The following WBP1L variants were observed in gnomAD, a reference collection of about 807,000 sequenced individuals.
WBP1L encodes WW domain binding protein 1-like.
In WBP1L, 17 loss-of-function variants were observed where a neutral mutation model predicts 33.7. That is an observed-to-expected ratio of 0.50 (90% CI 0.34 to 0.76). The LOEUF (loss-of-function observed/expected upper bound fraction) is 0.76. Ranked by LOEUF, WBP1L falls within the 30% of genes least tolerant of loss-of-function variation. The pLI is 0.01. For synonymous variants in WBP1L, 173 were observed against 190.8 expected (o/e 0.91, Z 0.77); for missense variants, 389 against 469.4 (o/e 0.83, Z 1.58).
In WBP1L at chr10:102,794,875, C is replaced by A. The variant is rs553879545; in HGVS notation, c.91-3118C>A. On this transcript the variant is annotated intron_variant, in intron 1 of 3. Transcript: ENST00000448841. ...AACTCACTTTGGCACTCATATCTCA[C>A]TATCTCCTGAATCCTCCTTCACCTC... Among the ~76,000 whole-genome samples, 8 of 152,320 alleles carry A rather than the reference C, an allele frequency of 5.3e-5. No homozygotes were observed. In the East Asian group the frequency reaches 1.5e-3, roughly 29 times the overall value.
At chr10:102,811,059 C>T (rs1843835439) in intron 3 of WBP1L, among the ~76,000 whole-genome samples, 1 of 151,882 alleles carries the variant, frequency 6.6e-6, no homozygotes, top group South Asian at 2.1e-4. Flanking sequence ...TTATTGAGCA[C>T]TTACTATATG....
intron 1 of WBP1L, among the ~76,000 whole-genome samples, chr10:102,747,250 C>T (rs899186500): frequency 1.3e-5 from 2 of 151,392 alleles, no homozygotes; most frequent in Admixed American, 1.3e-4. Flanking sequence ...GTCTCAGCTA[C>T]TCGGGAGGCT....
At chr10:102,786,605 G>A (rs887397726) in intron 1 of WBP1L, among the ~76,000 whole-genome samples, 6 of 152,210 alleles carry the variant, frequency 3.9e-5, no homozygotes, top group Non-Finnish European at 8.8e-5. Flanking sequence ...TCATTGTTAT[G>A]TGGGGGCAAA....
At chr10:102,812,570 T>A in intron 3 of WBP1L, 25 bp from the exon 4 acceptor site, 1 of 1,546,684 alleles carries the variant, frequency 6.5e-7, no homozygotes, top group Non-Finnish European at 8.7e-7. Context: ...TGCAGTAATT[T>A]CTCCTTCCTA....
Position 102,813,614 on chromosome 10 carries a change from A to C in WBP1L, c.*283A>C. The C allele has an allele frequency of 7.0e-5, 32 of 456,140 alleles. No individual in the cohort carries two copies. Among genetic ancestry groups the C allele is most frequent in the East Asian group, 1.1e-4 (3 of 28,028 alleles). The allele number at this position is 456,140 out of a possible 1,614,324, so 28.3% of individuals were successfully genotyped here. On this transcript the variant is annotated 3_prime_UTR_variant, in exon 4 of 4. Transcript: ENST00000448841. ...TCTCCTTTCTTTAAAGTCAAATCTC[A>C]CCTACCTGTTTGGGTCAGAGAGATG...
At chr10:102,787,443 C>G (rs976262774) in intron 1 of WBP1L, among the ~76,000 whole-genome samples, 2 of 152,074 alleles carry the variant, frequency 1.3e-5, no homozygotes, top group African/African-American at 2.4e-5. Context: ...AAAAAATTAG[C>G]TGGGTGTGGT....
intron 1 of WBP1L, among the ~76,000 whole-genome samples, chr10:102,769,983 C>T (rs563276020): frequency 6.6e-5 from 10 of 152,336 alleles, no homozygotes; most frequent in African/African-American, 2.4e-4. Context: ...TTTCTTGCCT[C>T]AGCAGGCCTG....
At chr10:102,747,326 C>CTCTAGCCT (rs1444047066) in intron 1 of WBP1L, among the ~76,000 whole-genome samples, 1 of 138,706 alleles carries the variant, frequency 7.2e-6, no homozygotes, top group Non-Finnish European at 1.5e-5. Flanking sequence ...TGCCACTGCA[C>CTCTAGCCT]TCTAGCCTGG....
chr10:102,802,085 T>G (rs1330965711), intron 2 of WBP1L, among the ~76,000 whole-genome samples: 3 of 83,844 alleles, frequency 3.6e-5, no homozygotes, highest in Non-Finnish European at 7.3e-5. Flanking sequence ...CCTTTCCCTT[T>G]CCCCCTTCCC....
chr10:102,796,262 G>A (rs1262102337), intron 1 of WBP1L, among the ~76,000 whole-genome samples: 1 of 152,098 alleles, frequency 6.6e-6, no homozygotes, highest in Non-Finnish European at 1.5e-5. Context: ...TCATTGTCAG[G>A]GTTTATGAAT....
At position 102,816,024 on chromosome 10, in the gene WBP1L, G is replaced by A. The variant is rs980403023; in HGVS notation, c.*2693G>A. On this transcript the variant is annotated 3_prime_UTR_variant, in exon 4 of 4. Transcript: ENST00000448841. ...CTGGCTTTCCACGTGAATGAGACGG[G>A]GTCGGTGGAGGGTTTGGTGCTACAG... The A allele has an allele frequency of 6.5e-6, 1 of 152,678 alleles. No individual in the cohort carries two copies. Among genetic ancestry groups the A allele is most frequent in the South Asian group, 2.1e-4 (1 of 4,832 alleles). 9.5% of individuals were successfully genotyped at this position (152,678 alleles called of 1,614,324 possible). A position where few individuals can be genotyped will look rare whatever the true frequency, so the allele number is the denominator to read the frequency against.
intron 1 of WBP1L, among the ~76,000 whole-genome samples, chr10:102,756,920 A>T (rs1238751469): frequency 6.7e-6 from 1 of 149,984 alleles, no homozygotes. Flanking sequence ...CAGAGTCTCG[A>T]TCTGTTGCCC....
rs1299385975 is a variant in WBP1L, at chr10:102,810,182, G to A, written c.355+128G>A. 3.9e-6 allele frequency: 5 copies of A among 1,271,350 alleles called. No individual in the cohort carries two copies. In the East Asian group the frequency reaches 9.5e-5, roughly 24 times the overall value. The allele number at this position is 1,271,350 out of a possible 1,614,324, so 78.8% of individuals were successfully genotyped here. ...TTTGTCCTCTCCCTGCCCCTCCGTAGAGCAAGGTCTTGAAAGTACAGGAAC... is the reference window on the plus strand; with the variant it reads ...TTTGTCCTCTCCCTGCCCCTCCGTAAAGCAAGGTCTTGAAAGTACAGGAAC... On this transcript the variant is annotated intron_variant, in intron 3 of 3. Coordinates refer to ENST00000448841, the MANE Select transcript of WBP1L (RefSeq NM_001083913.2).
intron 2 of WBP1L, among the ~76,000 whole-genome samples, chr10:102,802,537 G>A (rs1301605526): frequency 6.6e-6 from 1 of 152,124 alleles, no homozygotes; most frequent in Non-Finnish European, 1.5e-5. Context: ...TCTTGAGACA[G>A]CGTCTCACTC....
chr10:102,783,173 A>G (rs1843362064), intron 1 of WBP1L, among the ~76,000 whole-genome samples: 1 of 152,160 alleles, frequency 6.6e-6, no homozygotes, highest in African/African-American at 2.4e-5. Flanking sequence ...ACATACAGTC[A>G]TTCCTGCGTC....
At chr10:102,791,981 C>T (rs1186793887) in intron 1 of WBP1L, among the ~76,000 whole-genome samples, 1 of 152,212 alleles carries the variant, frequency 6.6e-6, no homozygotes, top group Non-Finnish European at 1.5e-5. Flanking sequence ...AGAATAGCAA[C>T]TGTAAGATGT....
chr10:102,810,139 TCCTGTAGGCATA>T lies in WBP1L; in HGVS notation c.355+86_355+97del, dbSNP rs1380833097. 9 of 1,511,566 alleles carry T rather than the reference TCCTGTAGGCATA, an allele frequency of 6.0e-6. No individual in the cohort carries two copies. In the African/African-American group the frequency reaches 1.3e-4, roughly 21 times the overall value. The allele number at this position is 1,511,566 out of a possible 1,614,324, so 93.6% of individuals were successfully genotyped here. A position where few individuals can be genotyped will look rare whatever the true frequency, so the allele number is the denominator to read the frequency against. Reference sequence around the variant, plus strand: ...TCACACTGAATATTGGTGGCCAGGCTCCTGTAGGCATAGGGGGTTTGTCCTCTCCCTGCCCCT... The same window carrying T: ...TCACACTGAATATTGGTGGCCAGGCTGGGGGTTTGTCCTCTCCCTGCCCCT... On this transcript the variant is annotated intron_variant, in intron 3 of 3. Coordinates refer to ENST00000448841, the MANE Select transcript of WBP1L (RefSeq NM_001083913.2).
At chr10:102,768,834 C>G (rs992868551) in intron 1 of WBP1L, among the ~76,000 whole-genome samples, 2 of 149,940 alleles carry the variant, frequency 1.3e-5, no homozygotes, top group African/African-American at 4.9e-5. Context: ...ACTACAGGTG[C>G]CTGCCACCAC....
chr10:102,752,915 C>T (rs17114958), intron 1 of WBP1L, among the ~76,000 whole-genome samples: 2,959 of 152,282 alleles, frequency 0.019, 85 homozygotes, highest in African/African-American at 0.067. Flanking sequence ...TTTGAGCCGT[C>T]GGGTCTTTGT....
Sources: allele counts gnomAD v4.1 joint callset (sites outside exome capture counted in the v4.1 genomes callset), GRCh38; gene constraint gnomAD v4.1.1; transcripts MANE v1.5; gene names NCBI Gene and HGNC (gene_info 2026-07-23, HGNC 2026-07-21).